DEFB121: variants seen among roughly 807,000 people sequenced by gnomAD.
The protein encoded by DEFB121 is beta-defensin 121.
DEFB121 carries 5 observed loss-of-function variants against 2.5 expected under a neutral mutation model. The observed-to-expected ratio is 1.96, with a 90% CI of 1.03 to 4.13. The LOEUF is 4.13. DEFB121 is among the 30% of genes most tolerant of loss of function. The pLI is 0.00. For synonymous variants in DEFB121, 39 were observed against 32.6 expected, an observed-to-expected ratio of 1.20 and a Z score of -0.67; for missense variants, 87 against 85.0, an observed-to-expected ratio of 1.02 and a Z score of -0.09.
At chr20:31,416,202 A>G (rs1352832761), upstream of DEFB121, among the ~76,000 whole-genome samples, 1 of 152,160 alleles carries the variant, frequency 6.6e-6, no homozygotes, top group South Asian at 2.1e-4. Flanking sequence ...CTGGGACTAC[A>G]GGTGTGCGCC....
chr20:31,406,001 C>A, intron 1 of DEFB121, 94 bp downstream of exon 1: 1 of 1,417,388 alleles, frequency 7.1e-7, no homozygotes, highest in Non-Finnish European at 9.8e-7. Flanking sequence ...CTCTACCAGG[C>A]CATTCTCCCA....
upstream of DEFB121, among the ~76,000 whole-genome samples, chr20:31,413,657 T>C (rs1268811934): frequency 6.6e-6 from 1 of 150,680 alleles, no homozygotes; most frequent in Non-Finnish European, 1.5e-5. Context: ...AACTAGCCAT[T>C]ATATGCCCTG....
chr20:31,404,984 G>C lies in DEFB121; in HGVS notation c.160C>G (p.Pro54Ala), dbSNP rs746005479. ...TTTGGTTTTACAGGTACATACTTGG[G>C]ATCCACACAGCACTTAGCCTCAGTT... is the stretch of plus-strand genomic sequence containing the variant. ...CKTEAKCCVD[P>A]KYVPVKPKLT... Residue 54 changes from proline (P) to alanine (A), a missense_variant, in exon 2 of 2, where the codon CCC (proline) becomes GCC (alanine). Physicochemically the swap from Pro to Ala is conservative, Grantham distance 27 (BLOSUM62 -1). Coordinates refer to ENST00000376314, the MANE Select transcript of DEFB121 (RefSeq NM_001011878.3). 6 of 1,613,854 alleles carry C rather than the reference G, an allele frequency of 3.7e-6. No individual in the cohort carries two copies. The highest frequency in any genetic ancestry group is 1.7e-5 in the Admixed American group (1 of 59,964).
At chr20:31,407,737 A>G (rs1202928290), upstream of DEFB121, among the ~76,000 whole-genome samples, 1 of 152,208 alleles carries the variant, frequency 6.6e-6, no homozygotes, top group Non-Finnish European at 1.5e-5. Flanking sequence ...GAAAGAGCCA[A>G]GTGCTTTTTA....
upstream of DEFB121, among the ~76,000 whole-genome samples, chr20:31,409,309 C>A (rs1978590745): frequency 6.6e-6 from 1 of 152,134 alleles, no homozygotes; most frequent in South Asian, 2.1e-4. Context: ...CTTGAATTGT[C>A]ATAGTAACTT....
intron 1 of DEFB121, among the ~76,000 whole-genome samples, chr20:31,411,567 C>CAA (rs11481281): frequency 3.2e-4 from 43 of 135,068 alleles, no homozygotes; most frequent in African/African-American, 9.5e-4. Flanking sequence ...GAACGCAGAG[C>CAA]AAAAAAAAAA....
At chr20:31,405,505 A>G (rs1303791838) in intron 1 of DEFB121, among the ~76,000 whole-genome samples, 1 of 152,192 alleles carries the variant, frequency 6.6e-6, no homozygotes, top group Non-Finnish European at 1.5e-5. Context: ...GGAATATTAA[A>G]TAAACTCATT....
upstream of DEFB121, among the ~76,000 whole-genome samples, chr20:31,417,112 G>A (rs1026092580): frequency 5.9e-5 from 9 of 152,170 alleles, no homozygotes; most frequent in Admixed American, 5.2e-4. Flanking sequence ...TTGGGAGGCC[G>A]AAGCAGGCAG....
chr20:31,406,868 T>C (rs1481228692), upstream of DEFB121, among the ~76,000 whole-genome samples: 5 of 151,634 alleles, frequency 3.3e-5, no homozygotes, highest in African/African-American at 1.2e-4. Context: ...GGCACAATCA[T>C]AGCTCACTGG....
upstream of DEFB121, among the ~76,000 whole-genome samples, chr20:31,414,462 C>T (rs1336391112): frequency 1.3e-5 from 2 of 152,104 alleles, no homozygotes; most frequent in Non-Finnish European, 2.9e-5. Context: ...TGTCCATCAA[C>T]AAATGAATGG....
chr20:31,415,016 G>A (rs6057779), upstream of DEFB121, among the ~76,000 whole-genome samples: 19 of 152,276 alleles, frequency 1.2e-4, no homozygotes, highest in East Asian at 3.9e-4. Context: ...GCAGTGAGCC[G>A]TGCTTGTGCC....
upstream of DEFB121, among the ~76,000 whole-genome samples, chr20:31,415,729 C>T (rs1228908982): frequency 6.6e-6 from 1 of 151,944 alleles, no homozygotes; most frequent in Non-Finnish European, 1.5e-5. Context: ...TCATGGAGGA[C>T]CTTCTCCTTC....
At chr20:31,410,823 T>TGAGAGAGAGAGA (rs72164704), upstream of DEFB121, among the ~76,000 whole-genome samples, 821 of 136,066 alleles carry the variant, frequency 6.0e-3, 9 homozygotes, top group African/African-American at 0.02. Flanking sequence ...CCTTGAAAAA[T>TGAGAGAGAGAGA]GAGAGAGAGA....
At chr20:31,414,705 G>A (rs115540479), upstream of DEFB121, among the ~76,000 whole-genome samples, 3,016 of 152,256 alleles carry the variant, frequency 0.02, 69 homozygotes, top group Middle Eastern at 0.058. Flanking sequence ...GGGAGTGAGG[G>A]AAATTAGGAA....
upstream of DEFB121, among the ~76,000 whole-genome samples, chr20:31,416,089 C>T (rs558330770): frequency 8.6e-5 from 10 of 116,414 alleles, no homozygotes; most frequent in African/African-American, 3.8e-4. Flanking sequence ...TAGACAGAGT[C>T]TTACTCTGTC....
At chr20:31,405,914 GCACTGGGAAGAC>G (rs756227984) in intron 1 of DEFB121, among the ~76,000 whole-genome samples, 169 bp downstream of exon 1, 44 of 152,242 alleles carry the variant, frequency 2.9e-4, no homozygotes, top group South Asian at 4.1e-4. Context: ...CAAGTACTGG[GCACTGGGAAGAC>G]CATTTGGTAC....
upstream of DEFB121, among the ~76,000 whole-genome samples, chr20:31,406,756 A>G (rs1292881507): frequency 1.3e-5 from 2 of 152,198 alleles, no homozygotes; most frequent in Non-Finnish European, 2.9e-5. Flanking sequence ...GCACCCTCAT[A>G]GGTAGCAAAA....
the DEFB121 span, among the ~76,000 whole-genome samples, chr20:31,418,259 C>CAAAAAA: frequency 1.6e-3 from 135 of 82,948 alleles, 13 homozygotes; most frequent in East Asian, 0.022. Context: ...GACTCCGTCT[C>CAAAAAA]AAAAAAAAAA....
At chr20:31,405,124 G>A (rs2122346378) in intron 1 of DEFB121, 39 bp from the exon 2 acceptor site, 2 of 1,564,798 alleles carry the variant, frequency 1.3e-6, no homozygotes, top group African/African-American at 1.4e-5. Flanking sequence ...AGTCAGTTTT[G>A]AAAGAAAGCA....
Sources: gnomAD v4.1 joint callset for allele counts (sites outside exome capture counted in the v4.1 genomes callset) on GRCh38, gnomAD v4.1.1 for gene constraint, MANE v1.5 for transcripts, NCBI Gene and HGNC (gene_info 2026-07-23, HGNC 2026-07-21) for gene names.